The following TAF7L variants were observed in gnomAD, a reference collection of about 807,000 sequenced individuals.
TAF7L encodes the protein TATA-box binding protein associated factor 7 like.
Under a neutral mutation model 30.2 loss-of-function variants are expected in TAF7L, and 6 were observed. The observed-to-expected ratio is 0.20, with a 90% CI of 0.11 to 0.39. The LOEUF (loss-of-function observed/expected upper bound fraction) is 0.39. Ranked by LOEUF, TAF7L falls within the 10% of genes least tolerant of loss-of-function variation. TAF7L has a pLI of 1.00. For synonymous variants in TAF7L, 93 were observed against 94.5 expected (o/e 0.98, Z 0.09); for missense variants, 284 against 277.1 (o/e 1.03, Z -0.18).
intron 12 of TAF7L, among the ~76,000 whole-genome samples, chrX:101,274,371 C>A (rs1011207687): frequency 9.1e-6 from 1 of 110,131 alleles, no homozygotes; most frequent in Non-Finnish European, 1.9e-5. Flanking sequence ...TATGCCACCA[C>A]AACCGGCTAA....
At chrX:101,273,565 G>A (rs942102339) in intron 12 of TAF7L, among the ~76,000 whole-genome samples, 5 of 105,924 alleles carry the variant, frequency 4.7e-5, no homozygotes, top group Admixed American at 2.0e-4. Context: ...CTCCAGCCTG[G>A]GCGACAGAGC....
intron 9 of TAF7L, 36 bp downstream of exon 9, chrX:101,277,570 C>A (rs1924250900): frequency 1.2e-6 from 1 of 862,050 alleles, no homozygotes; most frequent in East Asian, 3.5e-5. Context: ...AATACCTGCC[C>A]TATCTGAAAC....
chrX:101,286,597 A>G lies in TAF7L; in HGVS notation c.123T>C (p.Asp41=), dbSNP rs1206975095. 2 of 1,208,445 alleles carry G rather than the reference A, an allele frequency of 1.7e-6. No individual in the cohort carries two copies. Among genetic ancestry groups the G allele is most frequent in the Non-Finnish European group, 2.2e-6 (2 of 893,134 alleles). The part of the protein sequence containing the change: ...LARSQSVKMK[D]KLKIDLLPDG... ...TACGCAATAAGTCAATTTTTAGTTT[A>G]TCCTTCATCTTGACACTTTGAGAAC... The change falls in exon 3 of 13, where the codon GAT becomes GAC. Residue 41 remains aspartate, a synonymous_variant. Transcript: ENST00000356784.
At chrX:101,291,159 CGGCGGGGTGCACACT>C (rs2147388419) in intron 1 of TAF7L, 50 bp downstream of exon 1, 2 of 528,862 alleles carry the variant, frequency 3.8e-6, no homozygotes, top group East Asian at 1.8e-4. Flanking sequence ...GGGTGCACCG[CGGCGGGGTGCACACT>C]GGCGGGGCGC....
chrX:101,287,573 A>C, intron 1 of TAF7L, 28 bp from the exon 2 acceptor site: 2 of 1,162,192 alleles, frequency 1.7e-6, no homozygotes, highest in Non-Finnish European at 2.3e-6. Context: ...GAAAGCAAAA[A>C]GAAAACCATC....
chrX:101,283,234 ACT>A (rs1244444552), intron 4 of TAF7L, among the ~76,000 whole-genome samples: 3 of 111,836 alleles, frequency 2.7e-5, no homozygotes, highest in Non-Finnish European at 5.6e-5. Context: ...GGCAAATGGG[ACT>A]CTCTATAGGC....
chrX:101,270,801 C>T (rs745325023), intron 12 of TAF7L, among the ~76,000 whole-genome samples: 1 of 111,173 alleles, frequency 9.0e-6, no homozygotes, highest in South Asian at 3.8e-4. Flanking sequence ...CTCCTATATA[C>T]TTCTGGCAGA....
At chrX:101,277,458 A>G (rs1924240132) in intron 9 of TAF7L, 148 bp downstream of exon 9, 2 of 352,771 alleles carry the variant, frequency 5.7e-6, no homozygotes, top group Non-Finnish European at 4.8e-6. Flanking sequence ...TCTCAAAAAA[A>G]AAAAAAAAAA....
At chrX:101,272,148 A>G (rs1273278999) in intron 12 of TAF7L, among the ~76,000 whole-genome samples, 2 of 110,429 alleles carry the variant, frequency 1.8e-5, no homozygotes, top group Non-Finnish European at 3.8e-5. Context: ...CAGCTGCTTG[A>G]CCCTCATTTA....
chrX:101,279,903 T>C (rs1924342971), intron 6 of TAF7L, among the ~76,000 whole-genome samples: 1 of 110,431 alleles, frequency 9.1e-6, no homozygotes, highest in Admixed American at 9.8e-5. Context: ...GCGAGAGCAA[T>C]TAGACATCCT....
At chrX:101,279,114 C>G (rs1924316202) in intron 6 of TAF7L, 79 bp from the exon 7 acceptor site, 1 of 844,530 alleles carries the variant, frequency 1.2e-6, no homozygotes, top group Non-Finnish European at 1.7e-6. Context: ...TACAACTATC[C>G]TTAACTTAGT....
At chrX:101,292,095 C>T (rs1924828794), upstream of TAF7L, among the ~76,000 whole-genome samples, 1 of 102,358 alleles carries the variant, frequency 9.8e-6, no homozygotes, top group Admixed American at 1.1e-4. Context: ...AAAAATTAGC[C>T]GGGCGTAGTG....
In TAF7L at chrX:101,269,179, G is replaced by A. The variant is rs770038997; in HGVS notation, c.*14C>T. On this transcript the variant is annotated 3_prime_UTR_variant, in exon 13 of 13. Transcript: ENST00000356784. Reference sequence around the variant, plus strand: ...GGTGAATCCAAGGTTTGTGGGCCACGCCAATGGCTCTCCTCACTTCTTCAG... The same window carrying A: ...GGTGAATCCAAGGTTTGTGGGCCACACCAATGGCTCTCCTCACTTCTTCAG... The A allele has an allele frequency of 1.4e-5, 17 of 1,205,121 alleles. No homozygotes were observed. The highest frequency in any genetic ancestry group is 2.2e-5 in the Admixed American group (1 of 45,886).
intron 3 of TAF7L, 74 bp downstream of exon 3, chrX:101,286,501 T>C: frequency 1.3e-6 from 1 of 749,354 alleles, no homozygotes; most frequent in Non-Finnish European, 2.0e-6. Flanking sequence ...TAGTACCAAG[T>C]ACAGTGTATG....
intron 7 of TAF7L, 67 bp downstream of exon 7, chrX:101,278,927 G>A: frequency 5.0e-6 from 5 of 992,536 alleles, no homozygotes; most frequent in Non-Finnish European, 7.1e-6. Context: ...TGATTCATTT[G>A]AAACTAATGA....
chrX:101,277,353 G>A (rs1288828913), intron 9 of TAF7L, among the ~76,000 whole-genome samples: 11 of 100,055 alleles, frequency 1.1e-4, no homozygotes, highest in African/African-American at 1.5e-4. Flanking sequence ...CTGGGAGGCC[G>A]AGGCAGGAGA....
At chrX:101,283,301 T>C (rs901174005) in intron 4 of TAF7L, 149 bp downstream of exon 4, 12 of 644,481 alleles carry the variant, frequency 1.9e-5, no homozygotes, top group Non-Finnish European at 2.6e-5. Flanking sequence ...AACGAGAACA[T>C]GACATTTCAT....
At position 101,277,586 on chromosome X, in the gene TAF7L, C is replaced by T; in HGVS notation, c.691+20G>A. On this transcript the variant is annotated intron_variant, in intron 9 of 12. Coordinates refer to ENST00000356784, the MANE Select transcript of TAF7L (RefSeq NM_001168474.2). ...ATACCTGCCCTATCTGAAACTCCTG[C>T]TTTGCCTTTACTAAAGTACCTGACG... is the stretch of plus-strand genomic sequence containing the variant. 3.8e-6 allele frequency: 4 copies of T among 1,060,079 alleles called. No individual in the cohort carries two copies. The highest frequency in any genetic ancestry group is 5.1e-6 in the Non-Finnish European group (4 of 785,677). The allele number at this position is 1,060,079 out of a possible 1,213,427, so 87.4% of individuals were successfully genotyped here.
chrX:101,281,806 T>C, intron 5 of TAF7L, 31 bp from the exon 6 acceptor site: 2 of 1,157,780 alleles, frequency 1.7e-6, no homozygotes, highest in South Asian at 1.8e-5. Context: ...TGAAACGTTA[T>C]ATGACTGATG....
Sources: gnomAD v4.1 joint callset for allele counts (sites outside exome capture counted in the v4.1 genomes callset) on GRCh38, gnomAD v4.1.1 for gene constraint, MANE v1.5 for transcripts, NCBI Gene and HGNC (gene_info 2026-07-23, HGNC 2026-07-21) for gene names.